The following FOXJ3 variants were observed in gnomAD, a reference collection of about 807,000 sequenced individuals.
FOXJ3 encodes forkhead box J3.
In FOXJ3, 22 loss-of-function variants were observed where a neutral mutation model predicts 76.1. The ratio of observed to expected loss-of-function variants is 0.29; its 90% CI spans 0.21 to 0.41. FOXJ3 has a LOEUF of 0.41. Ranked by LOEUF, FOXJ3 falls within the 10% of genes least tolerant of loss-of-function variation. The pLI, the probability that FOXJ3 is intolerant of heterozygous loss-of-function variation, is 1.00. For synonymous variants in FOXJ3, 269 were observed against 261.2 expected (o/e 1.03, Z -0.29); for missense variants, 613 against 762.1 (o/e 0.80, Z 2.30).
chr1:42,244,438 G>A (rs1298136847), intron 4 of FOXJ3, among the ~76,000 whole-genome samples: 1 of 152,136 alleles, frequency 6.6e-6, no homozygotes, highest in Non-Finnish European at 1.5e-5. Context: ...TATCCTGTTA[G>A]TCCTGGAGTT....
chr1:42,238,075 C>A lies in FOXJ3; in HGVS notation c.445-10109G>T, dbSNP rs527776002. Among the ~76,000 whole-genome samples the A allele has an allele frequency of 5.9e-5, 9 of 152,080 alleles. 2 individuals are homozygous for A. In the South Asian group the frequency reaches 1.9e-3, roughly 32 times the overall value. On this transcript the variant is annotated intron_variant, in intron 4 of 12. Transcript: ENST00000361346. ...TGAGACGGGAGTCTCACTCTGTCAC[C>A]CAGGCTGGAGTGGAGTGCTGTGATC...
intron 1 of FOXJ3, chr1:42,323,791 A>G: frequency 1.7e-6 from 1 of 591,668 alleles, no homozygotes; most frequent in Non-Finnish European, 2.1e-6. Flanking sequence ...CTTGTGAAAG[A>G]AGGCAGACTA....
chr1:42,193,292 C>G (rs1343907981), intron 8 of FOXJ3, among the ~76,000 whole-genome samples: 1 of 151,948 alleles, frequency 6.6e-6, no homozygotes, highest in African/African-American at 2.4e-5. Flanking sequence ...TCTAATCCAA[C>G]CCTCTTTATT....
intron 2 of FOXJ3, among the ~76,000 whole-genome samples, chr1:42,297,400 T>C (rs1223624558): frequency 6.6e-6 from 1 of 152,212 alleles, no homozygotes; most frequent in Non-Finnish European, 1.5e-5. Context: ...ATGTTGTCTG[T>C]AGGTTTGTCA....
chr1:42,317,514 T>TAAAAAAAAAAAAA (rs11365048), intron 1 of FOXJ3, among the ~76,000 whole-genome samples: 1 of 106,398 alleles, frequency 9.4e-6, no homozygotes, highest in Non-Finnish European at 1.9e-5. Context: ...AGAGAAACCA[T>TAAAAAAAAAAAAA]AAAAAAAAAA....
intron 4 of FOXJ3, among the ~76,000 whole-genome samples, chr1:42,229,449 A>AT (rs1647878868): frequency 6.6e-6 from 1 of 152,314 alleles, no homozygotes; most frequent in African/African-American, 2.4e-5. Context: ...TGCACCAAGA[A>AT]TATCAGTGTA....
At position 42,333,655 on chromosome 1, in the gene FOXJ3, G is replaced by A. The variant is rs186527394; in HGVS notation, c.-18+1404C>T. ...AATAGGCTTCTCTCACTGTTATTGCGGGAACAATCTGTGGTCTCAAAACAG... is the reference window on the plus strand; with the variant it reads ...AATAGGCTTCTCTCACTGTTATTGCAGGAACAATCTGTGGTCTCAAAACAG... On this transcript the variant is annotated intron_variant, in intron 1 of 12. Transcript: ENST00000361346. Among the ~76,000 whole-genome samples, 13 of 150,454 alleles carry A rather than the reference G, an allele frequency of 8.6e-5. No individual in the cohort carries two copies. The East Asian group carries it at 2.5e-3, about 29-fold the overall frequency.
In FOXJ3 at chr1:42,182,008, A is replaced by G; in HGVS notation, c.1662T>C (p.Asp554=). The change falls in exon 12 of 13, where the codon GAT becomes GAC. Residue 554 remains aspartate, a synonymous_variant. Transcript: ENST00000361346. ...QHIGTGNLYI[D]SRQNLPPSVM... The stretch of plus-strand genomic sequence containing the variant: ...CTGAAGGAGGGAGATTTTGCCTAGA[A>G]TCTATGTACAAATTTCCTAATCAGA... The G allele has an allele frequency of 1.9e-6, 3 of 1,609,484 alleles. No homozygotes were observed. Among genetic ancestry groups the G allele is most frequent in the Non-Finnish European group, 2.5e-6 (3 of 1,176,542 alleles).
rs1653498115 is a variant in FOXJ3, at chr1:42,292,397, CTGA to C, written c.45-13728_45-13726del. On this transcript the variant is annotated intron_variant, in intron 2 of 12. Transcript: ENST00000361346. ...TCACCCCCAGGTATTTAGCCAAAAA[CTGA>C]AAACAATCCAAATATCCATCAACAG... Among the ~76,000 whole-genome samples, 3 of 152,228 alleles carry C rather than the reference CTGA, an allele frequency of 2.0e-5. No homozygotes were observed. In the South Asian group the frequency reaches 6.2e-4, roughly 32 times the overall value.
chr1:42,216,979 T>C (rs1352222503), intron 5 of FOXJ3, among the ~76,000 whole-genome samples: 1 of 152,090 alleles, frequency 6.6e-6, no homozygotes, highest in Non-Finnish European at 1.5e-5. Context: ...GCAAAGACTT[T>C]CAGAGAGGCT....
intron 2 of FOXJ3, among the ~76,000 whole-genome samples, chr1:42,292,171 T>C (rs1166824775): frequency 6.6e-6 from 1 of 152,094 alleles, no homozygotes; most frequent in East Asian, 1.9e-4. Flanking sequence ...ATTAGGGAAA[T>C]GCAAATTAAA....
At chr1:42,284,982 T>G (rs892723392) in intron 2 of FOXJ3, among the ~76,000 whole-genome samples, 1 of 152,238 alleles carries the variant, frequency 6.6e-6, no homozygotes, top group East Asian at 1.9e-4. Context: ...GATTTGTCAC[T>G]AGATCTTTTG....
intron 5 of FOXJ3, among the ~76,000 whole-genome samples, chr1:42,209,300 TTC>T (rs1335965121): frequency 4.6e-5 from 7 of 152,246 alleles, no homozygotes; most frequent in African/African-American, 1.4e-4. Flanking sequence ...AATTCGTTTT[TTC>T]TTTCTCCAAG....
intron 9 of FOXJ3, among the ~76,000 whole-genome samples, chr1:42,190,403 G>C (rs1200718450): frequency 6.6e-6 from 1 of 152,280 alleles, no homozygotes; most frequent in African/African-American, 2.4e-5. Flanking sequence ...CAATCAACTA[G>C]AGACAACATG....
In FOXJ3 at chr1:42,278,535, T is replaced by G; in HGVS notation, c.182A>C (p.Asp61Ala). The G allele has an allele frequency of 1.2e-6, 2 of 1,614,164 alleles. No individual in the cohort carries two copies. The highest frequency in any genetic ancestry group is 1.7e-6 in the Non-Finnish European group (2 of 1,180,010). The change falls in exon 3 of 13, where the codon GAC becomes GCC. Residue 61 changes from aspartate (D) to alanine (A), a missense_variant. Coordinates refer to ENST00000361346, the MANE Select transcript of FOXJ3 (RefSeq NM_014947.5). ...TGISKKNALL[D>A]PNTTLDQEEV... ...TTCCTGGTCCAGAGTTGTATTTGGG[T>G]CAAGGAGTGCATTCTTCTTAGAAAT...
chr1:42,223,961 T>C (rs1218647948), intron 5 of FOXJ3, among the ~76,000 whole-genome samples: 3 of 152,250 alleles, frequency 2.0e-5, no homozygotes, highest in African/African-American at 7.2e-5. Flanking sequence ...TTAACATCCA[T>C]GTTCATCAGC....
chr1:42,285,507 G>A (rs1448786409), intron 2 of FOXJ3, among the ~76,000 whole-genome samples: 1 of 152,110 alleles, frequency 6.6e-6, no homozygotes, highest in East Asian at 1.9e-4. Flanking sequence ...CTACATGGGA[G>A]GGTGAGAGGT....
chr1:42,213,993 T>C (rs1647017366), intron 5 of FOXJ3, among the ~76,000 whole-genome samples: 1 of 152,210 alleles, frequency 6.6e-6, no homozygotes, highest in Non-Finnish European at 1.5e-5. Context: ...AATGTATACA[T>C]GTGCTGAAAC....
At chr1:42,249,246 G>T (rs990514440) in intron 4 of FOXJ3, among the ~76,000 whole-genome samples, 1 of 152,150 alleles carries the variant, frequency 6.6e-6, no homozygotes, top group African/African-American at 2.4e-5. Context: ...ATAAAGATAT[G>T]CTGAGTAAAA....
Sources: allele counts gnomAD v4.1 joint callset (sites outside exome capture counted in the v4.1 genomes callset), GRCh38; gene constraint gnomAD v4.1.1; transcripts MANE v1.5; gene names NCBI Gene and HGNC (gene_info 2026-07-23, HGNC 2026-07-21).